Variants in DGKG observed in about 807,000 individuals in gnomAD.
DGKG encodes the protein DAG kinase gamma.
A neutral mutation model predicts 105.3 loss-of-function variants in DGKG; 78 were observed. The ratio of observed to expected loss-of-function variants is 0.74; its 90% CI spans 0.62 to 0.89. The LOEUF (loss-of-function observed/expected upper bound fraction) is 0.89. Ranked by LOEUF, DGKG falls within the 40% of genes least tolerant of loss-of-function variation. DGKG has a pLI of 0.00. For synonymous variants in DGKG, 346 were observed against 367.1 expected (o/e 0.94, Z 0.66); for missense variants, 958 against 1,020.1 (o/e 0.94, Z 0.83).
In DGKG at chr3:186,149,117, T is replaced by A; in HGVS notation, c.*973A>T. On this transcript the variant is annotated 3_prime_UTR_variant, in exon 25 of 25. Coordinates refer to ENST00000265022, the MANE Select transcript of DGKG (RefSeq NM_001346.3). Reference sequence around the variant, plus strand: ...GAAGCAGGAGGGAACCGTCTCCTGGTTTCCCCAGCAAAGTTCCTTCCTTCC... The same window carrying A: ...GAAGCAGGAGGGAACCGTCTCCTGGATTCCCCAGCAAAGTTCCTTCCTTCC... The A allele has an allele frequency of 9.1e-6, 9 of 985,112 alleles. No homozygotes were observed. Among genetic ancestry groups the A allele is most frequent in the Non-Finnish European group, 1.1e-5 (9 of 829,810 alleles). 61.0% of individuals were successfully genotyped at this position (985,112 alleles called of 1,614,324 possible). A position where few individuals can be genotyped will look rare whatever the true frequency, so the allele number is the denominator to read the frequency against.
At position 186,284,845 on chromosome 3, in the gene DGKG, C is replaced by A. The variant is rs1178885672; in HGVS notation, c.545-136G>T. On this transcript the variant is annotated intron_variant, in intron 6 of 24. Coordinates refer to ENST00000265022, the MANE Select transcript of DGKG (RefSeq NM_001346.3). The surrounding 1 kb of genome is among the most constrained non-coding windows in gnomAD (Gnocchi z 4.0). The stretch of plus-strand genomic sequence containing the variant: ...TTATGGCAGCCAGCTCTCCCTCCCT[C>A]TGAGCACAGAGTCTGACTTCCTTAC... 5.7e-6 allele frequency: 4 copies of A among 707,678 alleles called. No individual in the cohort carries two copies. 43.8% of individuals were successfully genotyped at this position (707,678 alleles called of 1,614,324 possible). A position where few individuals can be genotyped will look rare whatever the true frequency, so the allele number is the denominator to read the frequency against.
chr3:186,299,533 A>G (rs369978587), intron 3 of DGKG, among the ~76,000 whole-genome samples: 13 of 152,220 alleles, frequency 8.5e-5, no homozygotes, highest in African/African-American at 3.1e-4. Context: ...TTACCAGATT[A>G]GGGGAACTCC....
At chr3:186,257,796 T>C in intron 17 of DGKG, 58 bp downstream of exon 17, 1 of 1,359,240 alleles carries the variant, frequency 7.4e-7, no homozygotes, top group Non-Finnish European at 1.1e-6. Context: ...TGCCTTCTGC[T>C]GATTGTAAAT....
At position 186,211,785 on chromosome 3, in the gene DGKG, G is replaced by A; in HGVS notation, c.1917+10C>T. On this transcript the variant is annotated intron_variant, in intron 21 of 24. Coordinates refer to ENST00000265022, the MANE Select transcript of DGKG (RefSeq NM_001346.3). Reference sequence around the variant, plus strand: ...GATCCAGGAAGCCTTCTCCCCACTTGGGAACTTACCTCCAACTCAATGTGG... The same window carrying A: ...GATCCAGGAAGCCTTCTCCCCACTTAGGAACTTACCTCCAACTCAATGTGG... 1 of 1,610,640 alleles carries A rather than the reference G, an allele frequency of 6.2e-7. No homozygotes were observed. Among genetic ancestry groups the A allele is most frequent in the Non-Finnish European group, 8.5e-7 (1 of 1,176,818 alleles).
At chr3:186,276,199 T>C (rs551493972) in intron 9 of DGKG, among the ~76,000 whole-genome samples, 1 of 152,328 alleles carries the variant, frequency 6.6e-6, no homozygotes, top group South Asian at 2.1e-4. Context: ...AAAAGGCTAA[T>C]GATAGTACAT....
At chr3:186,185,278 C>T (rs1717569802) in intron 22 of DGKG, among the ~76,000 whole-genome samples, 1 of 152,148 alleles carries the variant, frequency 6.6e-6, no homozygotes, top group Admixed American at 6.5e-5. Flanking sequence ...AAGTCAGTGC[C>T]CCACTCTGAT....
At chr3:186,357,110 T>C (rs1340117004) in intron 1 of DGKG, among the ~76,000 whole-genome samples, 1 of 152,068 alleles carries the variant, frequency 6.6e-6, no homozygotes, top group Non-Finnish European at 1.5e-5. Flanking sequence ...GAACAGATGA[T>C]CTTAGTAGTT....
intron 22 of DGKG, among the ~76,000 whole-genome samples, chr3:186,177,596 G>A (rs1379840202): frequency 5.3e-5 from 8 of 152,146 alleles, no homozygotes. Context: ...CTTACATGTA[G>A]ATAGTAGATT....
rs1047980201 is a variant in DGKG, at chr3:186,147,497, C to T, written c.*2593G>A. The T allele has an allele frequency of 6.1e-6, 6 of 985,192 alleles. No homozygotes were observed. The highest frequency in any genetic ancestry group is 1.7e-5 in the African/African-American group (1 of 57,194). 61.0% of individuals were successfully genotyped at this position (985,192 alleles called of 1,614,324 possible). ...TGTTTAAAGGATGATTTGCAAGGCA[C>T]GATTAAACAACAACACAAGATTTAC... On this transcript the variant is annotated 3_prime_UTR_variant, in exon 25 of 25. Coordinates refer to ENST00000265022, the MANE Select transcript of DGKG (RefSeq NM_001346.3).
chr3:186,260,389 G>A (rs371741071), intron 16 of DGKG, 50 bp downstream of exon 16: 1 of 1,378,270 alleles, frequency 7.3e-7, no homozygotes, highest in Non-Finnish European at 1.0e-6. Context: ...CTTCATTGGA[G>A]TTTAAAAGGG....
chr3:186,356,508 A>G (rs1726969251), intron 1 of DGKG, among the ~76,000 whole-genome samples: 1 of 152,210 alleles, frequency 6.6e-6, no homozygotes, highest in Non-Finnish European at 1.5e-5. Context: ...AGTTGATATT[A>G]AGCTCAACAG....
intron 11 of DGKG, among the ~76,000 whole-genome samples, chr3:186,271,860 G>A (rs1455984662): frequency 1.3e-5 from 2 of 152,138 alleles, no homozygotes; most frequent in Non-Finnish European, 2.9e-5. Flanking sequence ...CTCCCAATTT[G>A]TGTTCAAGAC....
intron 3 of DGKG, among the ~76,000 whole-genome samples, chr3:186,304,920 G>C (rs1724151678): frequency 6.6e-6 from 1 of 152,208 alleles, no homozygotes; most frequent in Non-Finnish European, 1.5e-5. Flanking sequence ...CTGGAGGGCA[G>C]GAACTGTGCT....
intron 20 of DGKG, among the ~76,000 whole-genome samples, chr3:186,233,202 G>T (rs1189293686): frequency 1.3e-5 from 2 of 152,154 alleles, no homozygotes; most frequent in Non-Finnish European, 2.9e-5. Flanking sequence ...GGTGGGTTCA[G>T]TGCAATCAGC....
intron 2 of DGKG, 32 bp downstream of exon 2, chr3:186,320,360 TC>T (rs1243741549): frequency 3.5e-5 from 57 of 1,613,518 alleles, no homozygotes; most frequent in Non-Finnish European, 4.7e-5. Context: ...CAAGAAGAAA[TC>T]CCGTCCCAGG....
chr3:186,290,366 A>G (rs1723259474), intron 5 of DGKG, among the ~76,000 whole-genome samples: 1 of 152,230 alleles, frequency 6.6e-6, no homozygotes, highest in South Asian at 2.1e-4. Flanking sequence ...AGGCCTTTGT[A>G]CTGTGTAGTG....
At chr3:186,182,140 G>A (rs959396686) in intron 22 of DGKG, among the ~76,000 whole-genome samples, 20 of 152,160 alleles carry the variant, frequency 1.3e-4, no homozygotes, top group Non-Finnish European at 2.2e-4. Flanking sequence ...AACTCCACAT[G>A]GGCAGCAATA....
chr3:186,281,646 A>G (rs1009758499), intron 7 of DGKG, among the ~76,000 whole-genome samples: 32 of 152,248 alleles, frequency 2.1e-4, no homozygotes, highest in Admixed American at 1.1e-3. Context: ...GTTAAAAAAC[A>G]ATCCATTGCA....
Position 186,203,898 on chromosome 3 carries a change from GAGA to G in DGKG, c.1917+7894_1917+7896del, listed in dbSNP as rs1167621518. 6.6e-6 allele frequency among the ~76,000 whole-genome samples: 1 copy of G among 152,164 alleles called. No individual in the cohort carries two copies. Among genetic ancestry groups the G allele is most frequent in the Admixed American group, 6.5e-5 (1 of 15,276 alleles). Reference sequence around the variant, plus strand: ...GGGAAAGGCTCTACCTGTGGTAGCTGAGAAGAAGGTTCAGATCATATCAGGAGA... The same window carrying G: ...GGGAAAGGCTCTACCTGTGGTAGCTGAGAAGGTTCAGATCATATCAGGAGA... On this transcript the variant is annotated intron_variant, in intron 21 of 24. Transcript: ENST00000265022. The surrounding 1 kb of genome is among the most constrained non-coding windows in gnomAD (Gnocchi z 4.9).
Sources: allele counts gnomAD v4.1 joint callset (sites outside exome capture counted in the v4.1 genomes callset), GRCh38; gene constraint gnomAD v4.1.1; non-coding constraint Gnocchi (gnomAD v3.1); transcripts MANE v1.5; gene names NCBI Gene and HGNC (gene_info 2026-07-23, HGNC 2026-07-21).